The following CDKAL1 variants were observed in gnomAD, a reference collection of about 807,000 sequenced individuals.
CDKAL1 encodes the protein CDKAL1 threonylcarbamoyladenosine tRNA methylthiotransferase, also known as threonylcarbamoyladenosine tRNA methylthiotransferase.
A neutral mutation model predicts 68.2 loss-of-function variants in CDKAL1; 32 were observed. The observed-to-expected ratio is 0.47, with a 90% CI of 0.35 to 0.63. CDKAL1 has a LOEUF of 0.63. CDKAL1 is among the 30% of genes least tolerant of loss of function. The probability of loss-of-function intolerance (pLI) is 0.00; values close to 1 mark genes in which losing one functional copy is unlikely to be tolerated. For missense variants in CDKAL1, 606 were observed against 696.7 expected (o/e 0.87, Z 1.47); for synonymous variants, 234 against 244.3 (o/e 0.96, Z 0.39).
chr6:20,570,487 G>T (rs1057379260), intron 4 of CDKAL1, among the ~76,000 whole-genome samples: 1 of 151,866 alleles, frequency 6.6e-6, no homozygotes, highest in African/African-American at 2.4e-5. Flanking sequence ...TGCAACCCCC[G>T]CCTCCTGGGT....
chr6:21,163,982 A>G (rs1216731443), intron 13 of CDKAL1, among the ~76,000 whole-genome samples: 1 of 151,812 alleles, frequency 6.6e-6, no homozygotes, highest in African/African-American at 2.4e-5. Flanking sequence ...AAAAGAAATA[A>G]TGTGTCTATT....
intron 6 of CDKAL1, among the ~76,000 whole-genome samples, chr6:20,750,957 A>G (rs1235379715): frequency 5.8e-4 from 4 of 6,936 alleles, no homozygotes; most frequent in Non-Finnish European, 1.7e-3. Flanking sequence ...GAGTGAAAAA[A>G]AAAAAAAAAA....
At chr6:20,587,629 A>G (rs1765427231) in intron 4 of CDKAL1, among the ~76,000 whole-genome samples, 1 of 152,036 alleles carries the variant, frequency 6.6e-6, no homozygotes, top group Non-Finnish European at 1.5e-5. Flanking sequence ...GCTACTCTGG[A>G]GGCTGAGATG....
At chr6:20,873,081 G>A (rs1012593252) in intron 9 of CDKAL1, among the ~76,000 whole-genome samples, 1 of 152,144 alleles carries the variant, frequency 6.6e-6, no homozygotes, top group African/African-American at 2.4e-5. Context: ...ATTCTTATCT[G>A]TGGCTCCGTT....
chr6:21,212,125 A>G (rs1039169575), intron 15 of CDKAL1, among the ~76,000 whole-genome samples: 2 of 152,154 alleles, frequency 1.3e-5, no homozygotes, highest in African/African-American at 4.8e-5. Context: ...GGGAAAGCCC[A>G]TGAAAGCAGG....
intron 5 of CDKAL1, among the ~76,000 whole-genome samples, chr6:20,672,280 TTC>T (rs1362727062): frequency 2.4e-5 from 3 of 124,998 alleles, no homozygotes; most frequent in Non-Finnish European, 3.3e-5. Flanking sequence ...TTTTCTTTCT[TTC>T]TCTCTCTCTC....
intron 8 of CDKAL1, among the ~76,000 whole-genome samples, chr6:20,829,708 C>T (rs1167158932): frequency 4.6e-5 from 7 of 152,162 alleles, no homozygotes; most frequent in African/African-American, 1.7e-4. Flanking sequence ...TTCTGTACTG[C>T]AAGAGCAGAA....
At chr6:20,788,466 G>A (rs112475949) in intron 8 of CDKAL1, among the ~76,000 whole-genome samples, 134 of 152,240 alleles carry the variant, frequency 8.8e-4, no homozygotes, top group African/African-American at 3.1e-3. Flanking sequence ...GTCATGAGCC[G>A]AGAATGTGAC....
At chr6:20,557,335 A>C (rs1248336157) in intron 4 of CDKAL1, among the ~76,000 whole-genome samples, 4 of 152,008 alleles carry the variant, frequency 2.6e-5, no homozygotes, top group Admixed American at 2.6e-4. Context: ...TTGTAGTCTG[A>C]TCATGTGTAG....
chr6:20,775,694 G>T (rs982611432), intron 7 of CDKAL1, among the ~76,000 whole-genome samples: 1 of 151,896 alleles, frequency 6.6e-6, no homozygotes, highest in Non-Finnish European at 1.5e-5. Context: ...ATTTATTCTG[G>T]TAAGTTTTAG....
chr6:20,538,387 A>G (rs1212145051), intron 2 of CDKAL1, among the ~76,000 whole-genome samples: 2 of 152,180 alleles, frequency 1.3e-5, no homozygotes, highest in Non-Finnish European at 2.9e-5. Flanking sequence ...TAGTGGGAAG[A>G]GCATGGTATT....
At chr6:21,086,456 A>G (rs1055694768) in intron 12 of CDKAL1, among the ~76,000 whole-genome samples, 6 of 152,192 alleles carry the variant, frequency 3.9e-5, no homozygotes, top group African/African-American at 1.2e-4. Flanking sequence ...GACAAATTCC[A>G]TGTTCATAGA....
chr6:20,836,938 C>T (rs531544397), intron 8 of CDKAL1, among the ~76,000 whole-genome samples: 10 of 152,068 alleles, frequency 6.6e-5, no homozygotes, highest in Non-Finnish European at 1.5e-4. Flanking sequence ...GTGCTAAGGC[C>T]CTACCAGTTC....
At chr6:21,173,012 CT>C (rs202066238) in intron 13 of CDKAL1, among the ~76,000 whole-genome samples, 37,670 of 138,684 alleles carry the variant, frequency 0.27, 5,508 homozygotes, top group Admixed American at 0.37. Context: ...TGTCTTTTAT[CT>C]TTTTTTTTTT....
chr6:20,597,824 G>A (rs893628097), intron 4 of CDKAL1, among the ~76,000 whole-genome samples: 4 of 152,146 alleles, frequency 2.6e-5, no homozygotes, highest in African/African-American at 9.7e-5. Flanking sequence ...ATATTTAACT[G>A]TATCCTGCTA....
intron 5 of CDKAL1, among the ~76,000 whole-genome samples, chr6:20,712,237 G>A (rs1285629538): frequency 6.6e-6 from 1 of 152,182 alleles, no homozygotes; most frequent in Admixed American, 6.5e-5. Flanking sequence ...GCTCGGGGCA[G>A]TATGCAGGGT....
intron 4 of CDKAL1, among the ~76,000 whole-genome samples, chr6:20,611,584 G>A (rs1293266843): frequency 6.6e-6 from 1 of 152,072 alleles, no homozygotes; most frequent in Non-Finnish European, 1.5e-5. Context: ...TTATGCTCTT[G>A]GATAAAGCTA....
rs1562001712 is a variant in CDKAL1 at position 21,065,190 on chromosome 6, A to G, written c.1198A>G (p.Thr400Ala). The G allele has an allele frequency of 1.9e-6, 3 of 1,609,680 alleles. No individual in the cohort carries two copies. Among genetic ancestry groups the G allele is most frequent in the Admixed American group, 3.4e-5 (2 of 59,320 alleles). ...TAACCAATTTTACCCAAGACCAGGA[A>G]CTCCTGCTGCAAAAATGGAACAAGT... ...FINQFYPRPGTPAAKMEQVPA... is the reference protein window; with the variant it reads ...FINQFYPRPGAPAAKMEQVPA... Residue 400 changes from threonine to alanine, a missense_variant, in exon 12 of 16, where the codon ACT becomes GCT. By Grantham distance (58) the Thr-to-Ala change is moderately conservative. Coordinates refer to ENST00000274695, the MANE Select transcript of CDKAL1 (RefSeq NM_017774.3).
chr6:20,809,509 G>C (rs772925637), intron 8 of CDKAL1, among the ~76,000 whole-genome samples: 22 of 152,138 alleles, frequency 1.4e-4, no homozygotes, highest in African/African-American at 3.4e-4. Flanking sequence ...ACTACACTTG[G>C]AATGATTTTT....
Sources: gnomAD v4.1 joint callset for allele counts (sites outside exome capture counted in the v4.1 genomes callset) on GRCh38, gnomAD v4.1.1 for gene constraint, MANE v1.5 for transcripts, NCBI Gene and HGNC (gene_info 2026-07-23, HGNC 2026-07-21) for gene names.